The following CALN1 variants were observed in gnomAD, a reference collection of about 807,000 sequenced individuals.
The protein encoded by CALN1 is calneuron 1.
In CALN1, 17 loss-of-function variants were observed where a neutral mutation model predicts 30.6. That is an observed-to-expected ratio of 0.56 (90% confidence interval 0.38 to 0.83). CALN1 has a LOEUF of 0.83. CALN1 is among the 40% of genes least tolerant of loss of function. CALN1 has a pLI of 0.00. For synonymous variants in CALN1, 156 were observed against 131.4 expected (o/e 1.19, Z -1.28); for missense variants, 291 against 354.9 (o/e 0.82, Z 1.45).
chr7:72,454,896 A>G, the CALN1 span, among the ~76,000 whole-genome samples: 1 of 150,752 alleles, frequency 6.6e-6, no homozygotes, highest in East Asian at 1.9e-4. Flanking sequence ...CAATGGCACC[A>G]TATCCGCTCA....
rs149636525 is a variant in CALN1, at chr7:72,283,938, C to T, written c.120-5128G>A. On this transcript the variant is annotated intron_variant, in intron 2 of 6. Coordinates refer to ENST00000395275, the MANE Select transcript of CALN1 (RefSeq NM_031468.4). ...AAGAAAAGATCTTGTGAGGTTAAAA[C>T]CAAAAGGGATGGTTCCTGTTAATGG... Among the ~76,000 whole-genome samples the T allele has an allele frequency of 4.2e-3, 634 of 152,246 alleles. 2 individuals carry two copies. The highest frequency in any genetic ancestry group is 6.3e-3 in the Non-Finnish European group (427 of 68,010).
chr7:71,972,152 T>C (rs150612702), intron 5 of CALN1, among the ~76,000 whole-genome samples: 222 of 152,218 alleles, frequency 1.5e-3, no homozygotes, highest in African/African-American at 4.5e-3. Flanking sequence ...TCCAGACATC[T>C]GGACCCTGAT....
At chr7:72,453,906 A>G in the CALN1 span, among the ~76,000 whole-genome samples, 1 of 152,048 alleles carries the variant, frequency 6.6e-6, no homozygotes, top group African/African-American at 2.4e-5. Context: ...TGTATTACGT[A>G]TTTGTCATTT....
At chr7:71,836,648 G>C (rs1354674012) in intron 5 of CALN1, among the ~76,000 whole-genome samples, 1 of 138,478 alleles carries the variant, frequency 7.2e-6, no homozygotes, top group African/African-American at 2.7e-5. Context: ...TTCTGAGACA[G>C]AGTTCTGTCG....
chr7:72,105,339 C>T (rs917661829), intron 4 of CALN1, among the ~76,000 whole-genome samples: 5 of 152,162 alleles, frequency 3.3e-5, no homozygotes, highest in African/African-American at 7.2e-5. Context: ...CAGCCTCTTG[C>T]TGGTGAACTT....
chr7:72,444,216 A>G (rs960215287), intron 1 of CALN1, among the ~76,000 whole-genome samples: 1 of 151,850 alleles, frequency 6.6e-6, no homozygotes, highest in Admixed American at 6.6e-5. Context: ...AGCATGAAAA[A>G]GAGGAAGTAG....
rs865945024 is a variant in CALN1, at chr7:72,121,091, G to A, written c.245-14797C>T. Among the ~76,000 whole-genome samples, 13 of 145,598 alleles carry A rather than the reference G, an allele frequency of 8.9e-5. No homozygotes were observed. The East Asian group carries it at 2.2e-3, about 24-fold the overall frequency. On this transcript the variant is annotated intron_variant, in intron 3 of 6. Transcript: ENST00000395275. ...TATATCTATATTATAACTTATATAT[G>A]AATTATATATTATATATAAAATCTA...
chr7:71,873,833 C>T (rs1792087944), intron 5 of CALN1, among the ~76,000 whole-genome samples: 1 of 152,230 alleles, frequency 6.6e-6, no homozygotes. Flanking sequence ...TTTTCATTGG[C>T]TCCCAAATCA....
intron 3 of CALN1, among the ~76,000 whole-genome samples, chr7:72,205,134 A>AT (rs910545159): frequency 2.0e-5 from 3 of 149,594 alleles, no homozygotes; most frequent in African/African-American, 4.9e-5. Flanking sequence ...GATCAATTTG[A>AT]TTTTTTTTTC....
At chr7:71,919,154 G>A (rs1393878948) in intron 5 of CALN1, among the ~76,000 whole-genome samples, 2 of 152,132 alleles carry the variant, frequency 1.3e-5, no homozygotes, top group African/African-American at 4.8e-5. Context: ...ATGCTGCCAC[G>A]CTTCTTAACA....
At chr7:72,347,402 G>A (rs1055297611) in intron 2 of CALN1, among the ~76,000 whole-genome samples, 1 of 152,080 alleles carries the variant, frequency 6.6e-6, no homozygotes, top group South Asian at 2.1e-4. Context: ...GAGTAGCTGG[G>A]ATTACAGGCA....
At chr7:72,103,005 G>A (rs556798648) in intron 4 of CALN1, among the ~76,000 whole-genome samples, 13 of 149,136 alleles carry the variant, frequency 8.7e-5, no homozygotes, top group Non-Finnish European at 1.2e-4. Flanking sequence ...CCCGGGAAGC[G>A]GAGGTTGCAG....
chr7:71,879,122 A>G (rs1357892677), intron 5 of CALN1, among the ~76,000 whole-genome samples: 1 of 152,226 alleles, frequency 6.6e-6, no homozygotes, highest in Non-Finnish European at 1.5e-5. Context: ...AAATTAAGGG[A>G]CATGGACAGA....
chr7:72,306,942 C>CT (rs1799697130), intron 2 of CALN1, among the ~76,000 whole-genome samples: 1 of 152,190 alleles, frequency 6.6e-6, no homozygotes. Flanking sequence ...AAAACCCCAT[C>CT]TCCAGATAGC....
At chr7:71,984,976 G>A (rs1488823178) in intron 5 of CALN1, among the ~76,000 whole-genome samples, 3 of 152,146 alleles carry the variant, frequency 2.0e-5, no homozygotes, top group Admixed American at 6.5e-5. Flanking sequence ...AAGTTGGCTT[G>A]AGTTTGGAGC....
chr7:72,295,716 A>T (rs991319727), intron 2 of CALN1, among the ~76,000 whole-genome samples: 1 of 150,770 alleles, frequency 6.6e-6, no homozygotes, highest in African/African-American at 2.4e-5. Flanking sequence ...TTGATTTTGT[A>T]TCCTGAGACT....
Position 72,106,138 on chromosome 7 carries a change from G to C in CALN1, c.388+13C>G, listed in dbSNP as rs1432363125. On this transcript the variant is annotated intron_variant, in intron 4 of 6. Coordinates refer to ENST00000395275, the MANE Select transcript of CALN1 (RefSeq NM_031468.4). ...GCATGTCTCAGGGGAGAAGCTGCTT[G>C]TCCGGGTCTTACCGTCCATGTCCAA... is the stretch of plus-strand genomic sequence containing the variant. 1 of 1,612,508 alleles carries C rather than the reference G, an allele frequency of 6.2e-7. No homozygotes were observed. Among genetic ancestry groups the C allele is most frequent in the East Asian group, 2.2e-5 (1 of 44,838 alleles).
At chr7:72,200,952 T>A (rs551514198) in intron 3 of CALN1, among the ~76,000 whole-genome samples, 1 of 152,262 alleles carries the variant, frequency 6.6e-6, no homozygotes, top group Admixed American at 6.5e-5. Context: ...GGAAAATAAA[T>A]CATTCTACCA....
chr7:72,403,345 C>A lies in CALN1; in HGVS notation c.25G>T (p.Glu9Ter), dbSNP rs561984239. 3.0e-5 allele frequency: 46 copies of A among 1,548,596 alleles called. No homozygotes were observed. In the South Asian group the frequency reaches 5.5e-4, roughly 18 times the overall value. Residue 9 changes from glutamate to a stop codon, truncating the protein, a stop_gained, in exon 2 of 7, where the codon GAG becomes TAG. Transcript: ENST00000395275. LOFTEE classifies it high-confidence loss of function. MRLPEQPG[E>*]GKPENEKKGD... ...TTTTTCTCATTCTCGGGCTTCCCCTCTCCGGGTTGCTCTGGCAGCCGCATC... is the reference window on the plus strand; with the variant it reads ...TTTTTCTCATTCTCGGGCTTCCCCTATCCGGGTTGCTCTGGCAGCCGCATC...
Sources: gnomAD v4.1 joint callset for allele counts (sites outside exome capture counted in the v4.1 genomes callset) on GRCh38, gnomAD v4.1.1 for gene constraint, MANE v1.5 for transcripts, NCBI Gene and HGNC (gene_info 2026-07-23, HGNC 2026-07-21) for gene names.